Variants in FAM47C observed in about 807,000 individuals in gnomAD.
FAM47C encodes putative protein FAM47C.
For synonymous variants in FAM47C, 307 were observed against 346.5 expected (o/e 0.89, Z 1.27); for missense variants, 847 against 879.9 (o/e 0.96, Z 0.47).
chrX:37,010,098 C>G lies in FAM47C; in HGVS notation c.1688C>G (p.Pro563Arg), dbSNP rs1569417143. The change falls in exon 1 of 1, where the codon CCC becomes CGC. Residue 563 changes from proline to arginine, a missense_variant. Physicochemically the swap from Pro to Arg is moderately radical, Grantham distance 103 (BLOSUM62 -2). Coordinates refer to ENST00000358047, the MANE Select transcript of FAM47C (RefSeq NM_001013736.3). ...GTGTCCCATCTCCGCCCAGAGCCTC[C>G]CAAGACTCGGATGTACAGTCTCCGC... ...TGVSHLRPEP[P>R]KTRMYSLRPE... The G allele has an allele frequency of 8.3e-7, 1 of 1,199,894 alleles. No homozygotes were observed.
rs1927774921 is a variant in FAM47C at position 37,010,726 on chromosome X, C to T, written c.2316C>T (p.Ser772=). The change falls in exon 1 of 1, where the codon TCC becomes TCT. Residue 772 remains serine, a synonymous_variant. Transcript: ENST00000358047. Reference sequence around the variant, plus strand: ...CGGAGCCTCCTGAGACTGGAGTGTCCCATCTCCACCCAGAGCTTCCCAAGC... The same window carrying T: ...CGGAGCCTCCTGAGACTGGAGTGTCTCATCTCCACCCAGAGCTTCCCAAGC... ...LRPEPPETGV[S]HLHPELPKPR... is the part of the protein sequence containing the mutation. 1.7e-6 allele frequency: 2 copies of T among 1,210,336 alleles called. No individual in the cohort carries two copies. The highest frequency in any genetic ancestry group is 3.5e-5 in the African/African-American group (2 of 57,302).
At position 37,010,224 on chromosome X, in the gene FAM47C, A is replaced by G; in HGVS notation, c.1814A>G (p.His605Arg). The G allele has an allele frequency of 8.8e-7, 1 of 1,134,080 alleles. No homozygotes were observed. Among genetic ancestry groups the G allele is most frequent in the Non-Finnish European group, 1.2e-6 (1 of 856,378 alleles). 93.5% of individuals were successfully genotyped at this position (1,134,080 alleles called of 1,213,427 possible). A position where few individuals can be genotyped will look rare whatever the true frequency, so the allele number is the denominator to read the frequency against. Residue 605 changes from histidine (H) to arginine (R), a missense_variant, in exon 1 of 1, where the codon CAT (histidine) becomes CGT (arginine). Physicochemically the swap from His to Arg is conservative, Grantham distance 29. Transcript: ENST00000358047. ...GAGCCCCCCGAGACTGGAGTGTCCCATCTCTGCCCGGAGCCTCCAGAGACT... is the reference window on the plus strand; with the variant it reads ...GAGCCCCCCGAGACTGGAGTGTCCCGTCTCTGCCCGGAGCCTCCAGAGACT... ...PPEPPETGVS[H>R]LCPEPPETRV...
In FAM47C at chrX:37,009,601, T is replaced by A. The variant is rs782392389; in HGVS notation, c.1191T>A (p.Asn397Lys). Reference sequence around the variant, plus strand: ...CTCTCCGCCCAGAGACCCCCAAGAATGGAGTGTCTCCTCTCTTCCCGGAGC... The same window carrying A: ...CTCTCCGCCCAGAGACCCCCAAGAAAGGAGTGTCTCCTCTCTTCCCGGAGC... ...VPPLRPETPK[N>K]GVSPLFPEPP... Residue 397 changes from asparagine (N) to lysine (K), a missense_variant, in exon 1 of 1, where the codon AAT becomes AAA. By Grantham distance (94) the Asn-to-Lys change is moderately conservative (BLOSUM62 0). Transcript: ENST00000358047. 10 of 1,204,611 alleles carry A rather than the reference T, an allele frequency of 8.3e-6. No homozygotes were observed. Among genetic ancestry groups the A allele is most frequent in the Non-Finnish European group, 1.1e-5 (10 of 893,480 alleles).
At position 37,010,842 on chromosome X, in the gene FAM47C, G is replaced by T; in HGVS notation, c.2432G>T (p.Ser811Ile). 8.3e-7 allele frequency: 1 copy of T among 1,209,548 alleles called. No individual in the cohort carries two copies. Among genetic ancestry groups the T allele is most frequent in the Non-Finnish European group, 1.1e-6 (1 of 894,730 alleles). Residue 811 changes from serine (S) to isoleucine (I), a missense_variant, in exon 1 of 1, where the codon AGT becomes ATT. By Grantham distance (142) the Ser-to-Ile change is moderately radical. Coordinates refer to ENST00000358047, the MANE Select transcript of FAM47C (RefSeq NM_001013736.3). ...CCTCCCAAGACTGGTCGGGTGTCCA[G>T]TCTCTGCCCGGAGCCTACCAAGACC... The part of the protein sequence containing the change: ...LEPPKTGRVS[S>I]LCPEPTKTGA...
chrX:37,008,720 T>A lies in FAM47C; in HGVS notation c.310T>A (p.Phe104Ile), dbSNP rs1927669498. 1 of 1,210,221 alleles carries A rather than the reference T, an allele frequency of 8.3e-7. No individual in the cohort carries two copies. Among genetic ancestry groups the A allele is most frequent in the African/African-American group, 1.7e-5 (1 of 57,210 alleles). Residue 104 changes from phenylalanine (F) to isoleucine (I), a missense_variant, in exon 1 of 1, where the codon TTT becomes ATT. Physicochemically the swap from Phe to Ile is conservative, Grantham distance 21. Coordinates refer to ENST00000358047, the MANE Select transcript of FAM47C (RefSeq NM_001013736.3). ...AAAGCTGCTCAAGAAAGCGGCCCTG[T>A]TTTCCAAGCTCTCGCCAGCACAGCC... ...KKKLLKKAAL[F>I]SKLSPAQPAR...
At position 37,009,451 on chromosome X, in the gene FAM47C, C is replaced by G. The variant is rs781838965; in HGVS notation, c.1041C>G (p.Pro347=). The stretch of plus-strand genomic sequence containing the variant: ...TGTCCAGTCTCCACCCAGAGCCTCC[C>G]GAGACTGGAGTGTCCCATCTCTGCC... The part of the protein sequence containing the change: ...TLVSSLHPEP[P]ETGVSHLCPE... The change falls in exon 1 of 1, where the codon CCC becomes CCG. Residue 347 remains proline (P), a synonymous_variant. Coordinates refer to ENST00000358047, the MANE Select transcript of FAM47C (RefSeq NM_001013736.3). 22 of 1,196,283 alleles carry G rather than the reference C, an allele frequency of 1.8e-5. No individual in the cohort carries two copies. The Admixed American group carries it at 2.9e-4, about 16-fold the overall frequency.
At position 37,009,237 on chromosome X, in the gene FAM47C, G is replaced by T. The variant is rs782794129; in HGVS notation, c.827G>T (p.Gly276Val). The part of the protein sequence containing the change: ...GVSHLYLEPP[G>V]TGVSHLCPEP... Reference sequence around the variant, plus strand: ...TCCCATCTCTACCTGGAGCCTCCTGGGACTGGAGTGTCTCATCTCTGCCCA... The same window carrying T: ...TCCCATCTCTACCTGGAGCCTCCTGTGACTGGAGTGTCTCATCTCTGCCCA... The change falls in exon 1 of 1, where the codon GGG becomes GTG. Residue 276 changes from glycine to valine, a missense_variant. Physicochemically the swap from Gly to Val is moderately radical, Grantham distance 109. Transcript: ENST00000358047. 1 of 1,191,701 alleles carries T rather than the reference G, an allele frequency of 8.4e-7. No homozygotes were observed. The highest frequency in any genetic ancestry group is 1.1e-6 in the Non-Finnish European group (1 of 887,980).
Position 37,011,354 on chromosome X carries a change from T to TTTAA in FAM47C, c.2945_2948dup (p.Lys983AsnfsTer2), listed in dbSNP as rs1556333442. ...TGACGGTCTTTATGGACCAATCGCC[T>TTTAA]TTAAGGATTTCATTCTAAGCAAGGG... On this transcript the variant is annotated frameshift_variant, in exon 1 of 1. Transcript: ENST00000358047. LOFTEE classifies it low-confidence loss of function (END_TRUNC). The TTTAA allele has an allele frequency of 8.3e-7, 1 of 1,209,901 alleles. No individual in the cohort carries two copies.
rs782598576 is a variant in FAM47C at position 37,009,837 on chromosome X, C to T, written c.1427C>T (p.Pro476Leu). Residue 476 changes from proline (P) to leucine (L), a missense_variant, in exon 1 of 1, where the codon CCG (proline) becomes CTG (leucine). By Grantham distance (98) the Pro-to-Leu change is moderately conservative (BLOSUM62 -3). Transcript: ENST00000358047. ...GAGACTGGAGTGTCCCATCTCTGCC[C>T]GGAGCCTCCAGAGAAGGACGTATCT... is the stretch of plus-strand genomic sequence containing the variant. ...PPETGVSHLC[P>L]EPPEKDVSHL... The T allele has an allele frequency of 2.2e-5, 26 of 1,200,499 alleles. No individual in the cohort carries two copies. Among genetic ancestry groups the T allele is most frequent in the Non-Finnish European group, 2.8e-5 (25 of 891,714 alleles).
chrX:37,008,866 G>C lies in FAM47C; in HGVS notation c.456G>C (p.Pro152=), dbSNP rs782651418. Residue 152 remains proline (P), a synonymous_variant, in exon 1 of 1, where the codon CCG becomes CCC. Coordinates refer to ENST00000358047, the MANE Select transcript of FAM47C (RefSeq NM_001013736.3). Reference sequence around the variant, plus strand: ...ATCTCCTACTACAGGTACTGAAACCGCTGGACCCTGAGAGGAAGCTGGAGG... The same window carrying C: ...ATCTCCTACTACAGGTACTGAAACCCCTGGACCCTGAGAGGAAGCTGGAGG... ...PPDLLLQVLK[P]LDPERKLEDA... 1.7e-5 allele frequency: 21 copies of C among 1,211,928 alleles called. No individual in the cohort carries two copies. The Middle Eastern group carries it at 2.8e-3, about 159-fold the overall frequency.
chrX:37,010,224 A>T lies in FAM47C; in HGVS notation c.1814A>T (p.His605Leu). The T allele has an allele frequency of 1.8e-6, 2 of 1,134,080 alleles. No individual in the cohort carries two copies. The highest frequency in any genetic ancestry group is 2.3e-6 in the Non-Finnish European group (2 of 856,378). The allele number at this position is 1,134,080 out of a possible 1,213,427, so 93.5% of individuals were successfully genotyped here. ...PPEPPETGVS[H>L]LCPEPPETRV... ...GAGCCCCCCGAGACTGGAGTGTCCC[A>T]TCTCTGCCCGGAGCCTCCAGAGACT... is the stretch of plus-strand genomic sequence containing the variant. The change falls in exon 1 of 1, where the codon CAT becomes CTT. Residue 605 changes from histidine (H) to leucine (L), a missense_variant. His to Leu is a moderately conservative substitution (Grantham distance 99). Coordinates refer to ENST00000358047, the MANE Select transcript of FAM47C (RefSeq NM_001013736.3).
rs372777724 is a variant in FAM47C at position 37,010,538 on chromosome X, C to T, written c.2128C>T (p.Arg710Trp). Residue 710 changes from arginine to tryptophan, a missense_variant, in exon 1 of 1, where the codon CGG (arginine) becomes TGG (tryptophan). By Grantham distance (101) the Arg-to-Trp change is moderately radical. Transcript: ENST00000358047. ...TCTCCACCCAGAGCCTCCCAAGACT[C>T]GGGTGTCCAGTCTCCACGCGGAGCC... is the stretch of plus-strand genomic sequence containing the variant. ...SRLHPEPPKT[R>W]VSSLHAEPPE... 2 of 1,201,267 alleles carry T rather than the reference C, an allele frequency of 1.7e-6. No individual in the cohort carries two copies. The highest frequency in any genetic ancestry group is 3.7e-5 in the African/African-American group (2 of 54,494).
rs868959254 is a variant in FAM47C at position 37,010,243 on chromosome X, A to T, written c.1833A>T (p.Pro611=). ...TGTCCCATCTCTGCCCGGAGCCTCC[A>T]GAGACTCGCGTATCTCATCTCCGCC... ...TGVSHLCPEP[P]ETRVSHLRPE... Residue 611 remains proline (P), a synonymous_variant, in exon 1 of 1, where the codon CCA becomes CCT. Transcript: ENST00000358047. 3.8e-6 allele frequency: 4 copies of T among 1,048,575 alleles called. No individual in the cohort carries two copies. Among genetic ancestry groups the T allele is most frequent in the Non-Finnish European group, 4.9e-6 (4 of 817,307 alleles). The allele number at this position is 1,048,575 out of a possible 1,213,427, so 86.4% of individuals were successfully genotyped here.
At position 37,009,707 on chromosome X, in the gene FAM47C, A is replaced by G. The variant is rs1927715536; in HGVS notation, c.1297A>G (p.Thr433Ala). The G allele has an allele frequency of 2.5e-6, 3 of 1,203,232 alleles. No individual in the cohort carries two copies. Among genetic ancestry groups the G allele is most frequent in the Non-Finnish European group, 3.4e-6 (3 of 893,064 alleles). The change falls in exon 1 of 1, where the codon ACT becomes GCT. Residue 433 changes from threonine (T) to alanine (A), a missense_variant. Physicochemically the swap from Thr to Ala is moderately conservative, Grantham distance 58 (BLOSUM62 0). Transcript: ENST00000358047. ...CCATCTCTGCCTGGAGCCTCCCAAG[A>G]CTCGCGGATCTCATCTCCGCCCGGA... is the stretch of plus-strand genomic sequence containing the variant. ...VSHLCLEPPK[T>A]RGSHLRPEPP... is the part of the protein sequence containing the mutation.
rs782671989 is a variant in FAM47C, at chrX:37,009,344, A to C, written c.934A>C (p.Lys312Gln). 6 of 1,202,671 alleles carry C rather than the reference A, an allele frequency of 5.0e-6. No homozygotes were observed. The highest frequency in any genetic ancestry group is 6.7e-6 in the Non-Finnish European group (6 of 892,955). The part of the protein sequence containing the change: ...GVPDLCLEPP[K>Q]SRVSHLRPEP... ...GCCTGATCTCTGCCTGGAGCCTCCC[A>C]AGTCACGCGTATCTCATCTCCGCCC... The change falls in exon 1 of 1, where the codon AAG becomes CAG. Residue 312 changes from lysine to glutamine, a missense_variant. Lys to Gln is a moderately conservative substitution (Grantham distance 53). Transcript: ENST00000358047.
At position 37,008,975 on chromosome X, in the gene FAM47C, C is replaced by T. The variant is rs1556331631; in HGVS notation, c.565C>T (p.Arg189Trp). The change falls in exon 1 of 1, where the codon CGG becomes TGG. Residue 189 changes from arginine to tryptophan, a missense_variant. Physicochemically the swap from Arg to Trp is moderately radical, Grantham distance 101. Coordinates refer to ENST00000358047, the MANE Select transcript of FAM47C (RefSeq NM_001013736.3). ...GKYPCGEFSPRPPETRVSCLP... is the reference protein window; with the variant it reads ...GKYPCGEFSPWPPETRVSCLP... ...ATACCCCTGTGGGGAATTCTCCCCT[C>T]GGCCTCCCGAGACTCGGGTGTCCTG... is the stretch of plus-strand genomic sequence containing the variant. 13 of 1,211,526 alleles carry T rather than the reference C, an allele frequency of 1.1e-5. No homozygotes were observed. Among genetic ancestry groups the T allele is most frequent in the African/African-American group, 3.5e-5 (2 of 57,790 alleles).
Position 37,010,239 on chromosome X carries a change from C to G in FAM47C, c.1829C>G (p.Pro610Arg), listed in dbSNP as rs1927748900. ...GGAGTGTCCCATCTCTGCCCGGAGC[C>G]TCCAGAGACTCGCGTATCTCATCTC... ...ETGVSHLCPE[P>R]PETRVSHLRP... The change falls in exon 1 of 1, where the codon CCT becomes CGT. Residue 610 changes from proline to arginine, a missense_variant. Physicochemically the swap from Pro to Arg is moderately radical, Grantham distance 103 (BLOSUM62 -2). Transcript: ENST00000358047. The G allele has an allele frequency of 1.6e-5, 19 of 1,183,557 alleles. No individual in the cohort carries two copies. The highest frequency in any genetic ancestry group is 2.1e-5 in the Non-Finnish European group (19 of 885,523).
Position 37,011,476 on chromosome X carries a change from CA to C in FAM47C, c.3068del (p.Lys1023SerfsTer17). ...CTATTCAACGTGCAATGCAAGTTTA[CA>C]AGTACAAAGAAGACGTCACAGATGC... ...TPIQRAMQVY[K>X]YKEDVTDASE... On this transcript the variant is annotated frameshift_variant, in exon 1 of 1. Transcript: ENST00000358047. LOFTEE classifies it low-confidence loss of function (END_TRUNC). 2 of 1,206,357 alleles carry C rather than the reference CA, an allele frequency of 1.7e-6. No homozygotes were observed. The highest frequency in any genetic ancestry group is 3.5e-5 in the African/African-American group (2 of 57,573).
Position 37,010,835 on chromosome X carries a change from G to A in FAM47C, c.2425G>A (p.Val809Met). 8.3e-7 allele frequency: 1 copy of A among 1,211,748 alleles called. No homozygotes were observed. Among genetic ancestry groups the A allele is most frequent in the Middle Eastern group, 2.3e-4 (1 of 4,351 alleles). Residue 809 changes from valine to methionine, a missense_variant, in exon 1 of 1, where the codon GTG (valine) becomes ATG (methionine). Val to Met is a conservative substitution (Grantham distance 21). Coordinates refer to ENST00000358047, the MANE Select transcript of FAM47C (RefSeq NM_001013736.3). The part of the protein sequence containing the change: ...LRLEPPKTGR[V>M]SSLCPEPTKT... ...CCTGGAGCCTCCCAAGACTGGTCGGGTGTCCAGTCTCTGCCCGGAGCCTAC... is the reference window on the plus strand; with the variant it reads ...CCTGGAGCCTCCCAAGACTGGTCGGATGTCCAGTCTCTGCCCGGAGCCTAC...
Sources: gnomAD v4.1 joint callset for allele counts on GRCh38, gnomAD v4.1.1 for gene constraint, MANE v1.5 for transcripts, NCBI Gene and HGNC (gene_info 2026-07-23, HGNC 2026-07-21) for gene names.